The following PRRC2B variants were observed in gnomAD, a reference collection of about 807,000 sequenced individuals.
The protein encoded by PRRC2B is protein PRRC2B.
In PRRC2B, 68 loss-of-function variants were observed where a neutral mutation model predicts 242.3. That is an observed-to-expected ratio of 0.28 (90% confidence interval 0.23 to 0.34). PRRC2B has a LOEUF of 0.34. Ranked by LOEUF, PRRC2B falls within the 10% of genes least tolerant of loss-of-function variation. PRRC2B has a pLI of 1.00. For missense variants in PRRC2B, 2,835 were observed against 2,954.8 expected (o/e 0.96, Z 0.94); for synonymous variants, 1,228 against 1,173.6 (o/e 1.05, Z -0.95).
chr9:131,394,749 G>T (rs1364585541), intron 1 of PRRC2B, among the ~76,000 whole-genome samples: 3 of 151,782 alleles, frequency 2.0e-5, no homozygotes, highest in Non-Finnish European at 2.9e-5. Context: ...TGGGTCCGGG[G>T]CGCTGAGCGG....
At chr9:131,467,817 C>T (rs1310770394) in intron 13 of PRRC2B, 64 bp downstream of exon 13, 34 of 1,530,384 alleles carry the variant, frequency 2.2e-5, no homozygotes, top group Non-Finnish European at 2.8e-5. Context: ...GATGTTTCCC[C>T]TCCTCGTCCC....
chr9:131,484,843 A>G, intron 24 of PRRC2B, 53 bp downstream of exon 24: 1 of 1,565,918 alleles, frequency 6.4e-7, no homozygotes, highest in Non-Finnish European at 8.7e-7. Flanking sequence ...TAGCTTACAA[A>G]GAGGCAGAAG....
intron 1 of PRRC2B, among the ~76,000 whole-genome samples, chr9:131,396,325 C>CTTTTTTTT (rs1165485887): frequency 1.3e-4 from 17 of 132,952 alleles, no homozygotes; most frequent in East Asian, 2.1e-4. Context: ...CTTTTCTTTT[C>CTTTTTTTT]TTTTTTTTTT....
chr9:131,485,856 C>G (rs1049871708), intron 25 of PRRC2B: 12 of 734,290 alleles, frequency 1.6e-5, no homozygotes, highest in Non-Finnish European at 2.8e-5. Flanking sequence ...CCTCCCTCCT[C>G]CTAGGTCTGA....
At chr9:131,400,917 GCC>G (rs908910779) in intron 1 of PRRC2B, among the ~76,000 whole-genome samples, 2 of 151,772 alleles carry the variant, frequency 1.3e-5, no homozygotes, top group African/African-American at 2.4e-5. Context: ...GCCCTGGAGA[GCC>G]CCCCACCTAA....
chr9:131,396,487 G>A (rs941381383), intron 1 of PRRC2B, among the ~76,000 whole-genome samples: 64 of 151,936 alleles, frequency 4.2e-4, no homozygotes, highest in African/African-American at 1.5e-3. Flanking sequence ...CACCACACCT[G>A]GCCAATTTTT....
At chr9:131,387,009 TCTTTC>T (rs1836835264) in intron 1 of PRRC2B, among the ~76,000 whole-genome samples, 1 of 149,080 alleles carries the variant, frequency 6.7e-6, no homozygotes, top group African/African-American at 2.4e-5. Context: ...TTTCTTTCTT[TCTTTC>T]TTTTTTGAGA....
Position 131,482,963 on chromosome 9 carries a change from G to T in PRRC2B, c.5373+56G>T. 6.5e-7 allele frequency: 1 copy of T among 1,541,142 alleles called. No homozygotes were observed. Among genetic ancestry groups the T allele is most frequent in the African/African-American group, 1.4e-5 (1 of 72,964 alleles). On this transcript the variant is annotated intron_variant, in intron 22 of 31. Coordinates refer to ENST00000683519, the MANE Select transcript of PRRC2B (RefSeq NM_013318.4). The surrounding 1 kb of genome is among the most constrained non-coding windows in gnomAD (Gnocchi z 5.2). ...TTTTTTACTTTTTATTTTGGTACTT[G>T]GAGAGGCTGGGGGCTCAGATGGGAT...
At chr9:131,407,918 C>T (rs947148753) in intron 1 of PRRC2B, among the ~76,000 whole-genome samples, 3 of 152,212 alleles carry the variant, frequency 2.0e-5, no homozygotes, top group Non-Finnish European at 4.4e-5. Context: ...AGGATGCTCT[C>T]TGCAGCTGTA....
intron 25 of PRRC2B, chr9:131,485,525 C>A: frequency 2.1e-6 from 1 of 480,848 alleles, no homozygotes; most frequent in South Asian, 1.6e-5. Context: ...ACCCGTGAGG[C>A]CAGGTCTTAC....
intron 9 of PRRC2B, among the ~76,000 whole-genome samples, chr9:131,452,041 A>G (rs927912494): frequency 1.3e-5 from 2 of 151,674 alleles, no homozygotes; most frequent in African/African-American, 2.4e-5. Flanking sequence ...TGGGCTTATA[A>G]AATGAGTTGT....
At chr9:131,483,913 G>A (rs978546463) in intron 23 of PRRC2B, among the ~76,000 whole-genome samples, 1 of 152,188 alleles carries the variant, frequency 6.6e-6, no homozygotes, top group Non-Finnish European at 1.5e-5. Context: ...TGAGGCTGTC[G>A]CAGTGACATC....
chr9:131,484,855 GA>G (rs1473190391), intron 24 of PRRC2B, 65 bp downstream of exon 24: 3 of 1,563,006 alleles, frequency 1.9e-6, no homozygotes, highest in Non-Finnish European at 2.6e-6. Context: ...AGGCAGAAGG[GA>G]GGAGTCCCCG....
intron 10 of PRRC2B, among the ~76,000 whole-genome samples, chr9:131,457,438 C>A (rs1588262848): frequency 6.6e-6 from 1 of 152,182 alleles, no homozygotes; most frequent in Non-Finnish European, 1.5e-5. Context: ...TGACTTTGAC[C>A]AAGGGCACTT....
chr9:131,376,633 G>A (rs11243380), intron 1 of PRRC2B, among the ~76,000 whole-genome samples: 3,044 of 152,298 alleles, frequency 0.02, 95 homozygotes, highest in African/African-American at 0.069. Context: ...CTGGAAGTGG[G>A]AGTGGAACCA....
intron 1 of PRRC2B, among the ~76,000 whole-genome samples, chr9:131,396,325 C>CTTTTTT (rs1165485887): frequency 3.1e-4 from 41 of 132,950 alleles, no homozygotes; most frequent in African/African-American, 8.0e-4. Context: ...CTTTTCTTTT[C>CTTTTTT]TTTTTTTTTT....
At chr9:131,428,799 G>A (rs1838043360) in intron 1 of PRRC2B, among the ~76,000 whole-genome samples, 2 of 152,308 alleles carry the variant, frequency 1.3e-5, no homozygotes, top group South Asian at 2.1e-4. Context: ...TGAGTAGCTG[G>A]GATTATAGGC....
rs577795938 is a variant in PRRC2B at position 131,401,739 on chromosome 9, C to T, written c.-52+7476C>T. Among the ~76,000 whole-genome samples, 4 of 152,088 alleles carry T rather than the reference C, an allele frequency of 2.6e-5. No individual in the cohort carries two copies. In the South Asian group the frequency reaches 8.3e-4, roughly 32 times the overall value. On this transcript the variant is annotated intron_variant, in intron 1 of 31. Coordinates refer to ENST00000683519, the MANE Select transcript of PRRC2B (RefSeq NM_013318.4). Reference sequence around the variant, plus strand: ...GCAATGGCGCGATCTCGGCTCACTGCAGCCTCTGCTTCCTGGGTTTAAGAG... The same window carrying T: ...GCAATGGCGCGATCTCGGCTCACTGTAGCCTCTGCTTCCTGGGTTTAAGAG...
At chr9:131,429,040 A>G (rs1838050997) in intron 1 of PRRC2B, among the ~76,000 whole-genome samples, 1 of 152,136 alleles carries the variant, frequency 6.6e-6, no homozygotes. Flanking sequence ...ACTGCAGCCC[A>G]GGTTCAAGCA....
Sources: allele counts gnomAD v4.1 joint callset (sites outside exome capture counted in the v4.1 genomes callset), GRCh38; gene constraint gnomAD v4.1.1; non-coding constraint Gnocchi (gnomAD v3.1); transcripts MANE v1.5; gene names NCBI Gene and HGNC (gene_info 2026-07-23, HGNC 2026-07-21).